ANGPT2: variants seen among roughly 807,000 people sequenced by gnomAD.
ANGPT2 encodes the protein angiopoietin 2.
Under a neutral mutation model 62.9 loss-of-function variants are expected in ANGPT2, and 28 were observed. The ratio of observed to expected loss-of-function variants is 0.44; its 90% CI spans 0.33 to 0.61. ANGPT2 has a LOEUF of 0.61. Among genes scored for constraint, ANGPT2 ranks in the 20% least tolerant of loss-of-function variants. The pLI is 0.03. For missense variants in ANGPT2, 727 were observed against 594.9 expected, an observed-to-expected ratio of 1.22 and a Z score of -2.31; for synonymous variants, 284 against 207.8, an observed-to-expected ratio of 1.37 and a Z score of -3.15.
At chr8:6,525,220 G>A (rs953365571) in intron 3 of ANGPT2, among the ~76,000 whole-genome samples, 1 of 152,132 alleles carries the variant, frequency 6.6e-6, no homozygotes, top group Admixed American at 6.5e-5. Context: ...ATATTCAATT[G>A]TAGCTCTTAA....
At chr8:6,554,701 G>A (rs2129575209) in intron 1 of ANGPT2, among the ~76,000 whole-genome samples, 1 of 152,302 alleles carries the variant, frequency 6.6e-6, no homozygotes, top group African/African-American at 2.4e-5. Context: ...GTTGCTCAGA[G>A]GGAGAACCAG....
chr8:6,554,889 C>A (rs1824318206), intron 1 of ANGPT2, among the ~76,000 whole-genome samples: 1 of 152,080 alleles, frequency 6.6e-6, no homozygotes, highest in Non-Finnish European at 1.5e-5. Flanking sequence ...GGTTTCACAT[C>A]TTTTGTCAAG....
chr8:6,519,842 T>C, intron 5 of ANGPT2, 22 bp downstream of exon 5: 1 of 1,612,332 alleles, frequency 6.2e-7, no homozygotes, highest in Non-Finnish European at 8.5e-7. Context: ...AGGGAGTTAG[T>C]AAGGGGAGAC....
At chr8:6,562,572 G>GTTTTTAAAAACT in intron 1 of ANGPT2, 75 bp downstream of exon 1, 2 of 42,832 alleles carry the variant, frequency 4.7e-5, no homozygotes, top group South Asian at 4.8e-4. Flanking sequence ...TTTTTTTTTT[G>GTTTTTAAAAACT]GTTGTTAAAA....
At chr8:6,536,622 T>C (rs919869739) in intron 1 of ANGPT2, among the ~76,000 whole-genome samples, 2 of 152,144 alleles carry the variant, frequency 1.3e-5, no homozygotes, top group Non-Finnish European at 2.9e-5. Context: ...TAGTAGTAAT[T>C]TTTAGAGGTA....
chr8:6,526,762 G>C (rs937957717), intron 3 of ANGPT2, among the ~76,000 whole-genome samples: 1 of 152,096 alleles, frequency 6.6e-6, no homozygotes, highest in African/African-American at 2.4e-5. Flanking sequence ...GTTCCATGTT[G>C]TATATACATG....
In ANGPT2 at chr8:6,499,911, C is replaced by T. The variant is rs776254429; in HGVS notation, c.*3190G>A. 3.7e-6 allele frequency: 6 copies of T among 1,613,682 alleles called. No individual in the cohort carries two copies. Among genetic ancestry groups the T allele is most frequent in the South Asian group, 1.1e-5 (1 of 91,066 alleles). ...CTGAGGAGCCGTTCGAACTGTCTCA[C>T]CACTTCCCTGCAGCTCCCGTAAGTC... On this transcript the variant is annotated 3_prime_UTR_variant, in exon 9 of 9. Transcript: ENST00000629816.
rs546890124 is a variant in ANGPT2, at chr8:6,546,372, G to T, written c.289-13885C>A. On this transcript the variant is annotated intron_variant, in intron 1 of 8. Transcript: ENST00000629816. ...CCTCTGTAAAGCTAGGTTTTTGGTG[G>T]TTGCTGTTTGTGAAAAGCAAGTGCT... 3.9e-5 allele frequency among the ~76,000 whole-genome samples: 6 copies of T among 152,300 alleles called. No homozygotes were observed. In the East Asian group the frequency reaches 1.2e-3, roughly 29 times the overall value.
intron 1 of ANGPT2, among the ~76,000 whole-genome samples, chr8:6,555,397 T>G (rs1396935949): frequency 6.6e-6 from 1 of 152,066 alleles, no homozygotes; most frequent in Non-Finnish European, 1.5e-5. Context: ...ATGTATGGTT[T>G]GTAAGAATAT....
In ANGPT2 at chr8:6,530,905, C is replaced by G. The variant is rs545126825; in HGVS notation, c.444+1427G>C. Among the ~76,000 whole-genome samples the G allele has an allele frequency of 9.8e-5, 15 of 152,324 alleles. No individual in the cohort carries two copies. In the East Asian group the frequency reaches 2.1e-3, roughly 22 times the overall value. ...CTTATGGCATCTCCCCTCTCATGTC[C>G]TCTCCTGGCTGACGTCTAGCATTTC... On this transcript the variant is annotated intron_variant, in intron 2 of 8. Coordinates refer to ENST00000629816, the MANE Select transcript of ANGPT2 (RefSeq NM_001118887.2).
intron 1 of ANGPT2, among the ~76,000 whole-genome samples, chr8:6,540,664 C>G (rs1388604802): frequency 1.3e-5 from 2 of 152,268 alleles, no homozygotes; most frequent in African/African-American, 2.4e-5. Context: ...CAAAATGCTT[C>G]TCAGTGTGTA....
At chr8:6,525,874 A>G (rs1479623061) in intron 3 of ANGPT2, among the ~76,000 whole-genome samples, 2 of 152,240 alleles carry the variant, frequency 1.3e-5, no homozygotes, top group Non-Finnish European at 2.9e-5. Context: ...TGATTGGAAA[A>G]ATATTTGCAA....
chr8:6,502,673 G>C lies in ANGPT2; in HGVS notation c.*428C>G, dbSNP rs1812424515. 1 of 155,178 alleles carries C rather than the reference G, an allele frequency of 6.4e-6. No individual in the cohort carries two copies. The highest frequency in any genetic ancestry group is 2.4e-5 in the African/African-American group (1 of 41,510). 9.6% of individuals were successfully genotyped at this position (155,178 alleles called of 1,614,324 possible). ...AATTGTGATAGTGATGGTGAATTCA[G>C]GACATATGGGTATTTACACAGTGTA... On this transcript the variant is annotated 3_prime_UTR_variant, in exon 9 of 9. Coordinates refer to ENST00000629816, the MANE Select transcript of ANGPT2 (RefSeq NM_001118887.2).
chr8:6,507,041 G>A (rs952201594), intron 8 of ANGPT2, among the ~76,000 whole-genome samples: 28 of 152,040 alleles, frequency 1.8e-4, no homozygotes, highest in African/African-American at 6.3e-4. Context: ...GGGATTACAG[G>A]CGTATGCCAC....
intron 5 of ANGPT2, among the ~76,000 whole-genome samples, chr8:6,517,919 T>C (rs371141255): frequency 5.9e-5 from 9 of 152,172 alleles, no homozygotes; most frequent in East Asian, 3.8e-4. Context: ...AAAATTGAGG[T>C]TTGTGAAAGC....
Position 6,562,989 on chromosome 8 carries a change from C to T in ANGPT2, c.-55G>A, listed in dbSNP as rs1825791137. 1.2e-5 allele frequency: 18 copies of T among 1,531,416 alleles called. No homozygotes were observed. Among genetic ancestry groups the T allele is most frequent in the Admixed American group, 1.8e-5 (1 of 54,996 alleles). The allele number at this position is 1,531,416 out of a possible 1,614,324, so 94.9% of individuals were successfully genotyped here. A position where few individuals can be genotyped will look rare whatever the true frequency, so the allele number is the denominator to read the frequency against. On this transcript the variant is annotated 5_prime_UTR_variant, in exon 1 of 9. Transcript: ENST00000629816. ...GCAAACTTGAGGGCAAACACACGTC[C>T]AGAGTCCCGAGCTGCTGCCGTCTAA... is the stretch of plus-strand genomic sequence containing the variant.
Position 6,499,987 on chromosome 8 carries a change from T to C in ANGPT2, c.*3114A>G. The stretch of plus-strand genomic sequence containing the variant: ...CAGTTTGCTGTTCTCAAGAAATTAT[T>C]ATAAACATAAGGGTGGACTTAAGTT... On this transcript the variant is annotated 3_prime_UTR_variant, in exon 9 of 9. Coordinates refer to ENST00000629816, the MANE Select transcript of ANGPT2 (RefSeq NM_001118887.2). 1 of 1,448,610 alleles carries C rather than the reference T, an allele frequency of 6.9e-7. No individual in the cohort carries two copies. Among genetic ancestry groups the C allele is most frequent in the Non-Finnish European group, 9.7e-7 (1 of 1,030,096 alleles). 89.7% of individuals were successfully genotyped at this position (1,448,610 alleles called of 1,614,324 possible).
rs145603293 is a variant in ANGPT2 at position 6,528,415 on chromosome 8, G to A, written c.445-739C>T. ...TTGTCACTAGACAGAGAGATTGGAA[G>A]TCACATGCTTCCATTATATAAAAAT... On this transcript the variant is annotated intron_variant, in intron 2 of 8. Coordinates refer to ENST00000629816, the MANE Select transcript of ANGPT2 (RefSeq NM_001118887.2). Among the ~76,000 whole-genome samples, 5 of 152,364 alleles carry A rather than the reference G, an allele frequency of 3.3e-5. No individual in the cohort carries two copies. In the East Asian group the frequency reaches 9.6e-4, roughly 29 times the overall value.
rs542510249 is a variant in ANGPT2, at chr8:6,507,502, C to G, written c.1327+1430G>C. 7 of 151,720 alleles carry G rather than the reference C, an allele frequency of 4.6e-5. No homozygotes were observed. In the South Asian group the frequency reaches 1.5e-3, roughly 32 times the overall value. 9.4% of individuals were successfully genotyped at this position (151,720 alleles called of 1,614,324 possible). On this transcript the variant is annotated intron_variant, in intron 8 of 8. Coordinates refer to ENST00000629816, the MANE Select transcript of ANGPT2 (RefSeq NM_001118887.2). The stretch of plus-strand genomic sequence containing the variant: ...TCACACTTTTTTCTTGTCTCAGTCA[C>G]TAAGTAGCGTTTGTTCCTGTCAGTG...
Sources: gnomAD v4.1 joint callset for allele counts (sites outside exome capture counted in the v4.1 genomes callset) on GRCh38, gnomAD v4.1.1 for gene constraint, MANE v1.5 for transcripts, NCBI Gene and HGNC (gene_info 2026-07-23, HGNC 2026-07-21) for gene names.